The following IL23R variants were observed in gnomAD, a reference collection of about 807,000 sequenced individuals.
The protein encoded by IL23R is interleukin-23 receptor.
Under a neutral mutation model 56.9 loss-of-function variants are expected in IL23R, and 34 were observed. That is an observed-to-expected ratio of 0.60 (90% CI 0.45 to 0.80). The LOEUF is 0.80. Among genes scored for constraint, IL23R ranks in the 30% least tolerant of loss-of-function variants. The pLI is 0.00. For synonymous variants in IL23R, 230 were observed against 249.2 expected (o/e 0.92, Z 0.73); for missense variants, 635 against 730.0 (o/e 0.87, Z 1.50).
chr1:67,228,307 T>C (rs1448847396), intron 7 of IL23R, among the ~76,000 whole-genome samples: 1 of 149,772 alleles, frequency 6.7e-6, no homozygotes, highest in Non-Finnish European at 1.5e-5. Flanking sequence ...CCTTGGCCTT[T>C]CAAGTACCTG....
At chr1:67,203,935 G>A (rs772928152) in intron 5 of IL23R, among the ~76,000 whole-genome samples, 1 of 152,182 alleles carries the variant, frequency 6.6e-6, no homozygotes. Flanking sequence ...CTGCCATTTT[G>A]AATATTACTT....
intron 3 of IL23R, among the ~76,000 whole-genome samples, chr1:67,180,337 C>G (rs879189558): frequency 6.6e-6 from 1 of 151,632 alleles, no homozygotes; most frequent in Non-Finnish European, 1.5e-5. Flanking sequence ...GGATAGTTAG[C>G]TCTTCTTGTT....
chr1:67,195,733 C>A (rs1012820968), intron 4 of IL23R, among the ~76,000 whole-genome samples: 1 of 152,112 alleles, frequency 6.6e-6, no homozygotes, highest in Non-Finnish European at 1.5e-5. Context: ...GACTATCAGC[C>A]TTAGAGAGAT....
intron 1 of IL23R, among the ~76,000 whole-genome samples, chr1:67,148,176 G>A (rs562222254): frequency 1.3e-5 from 2 of 152,402 alleles, no homozygotes; most frequent in African/African-American, 4.8e-5. Flanking sequence ...GAAACGCAGT[G>A]TACACCCTGC....
At position 67,219,640 on chromosome 1, in the gene IL23R, A is replaced by G; in HGVS notation, c.865A>G (p.Lys289Glu). The G allele has an allele frequency of 6.2e-7, 1 of 1,614,072 alleles. No individual in the cohort carries two copies. The highest frequency in any genetic ancestry group is 8.5e-7 in the Non-Finnish European group (1 of 1,179,908). ...AGAATTCTACTTGGAGCCAAACATTAAGTACGTATTTCAAGTGAGATGTCA... is the reference window on the plus strand; with the variant it reads ...AGAATTCTACTTGGAGCCAAACATTGAGTACGTATTTCAAGTGAGATGTCA... Reference protein sequence around the residue: ...QSEFYLEPNIKYVFQVRCQET... With the variant: ...QSEFYLEPNIEYVFQVRCQET... Residue 289 changes from lysine to glutamate, a missense_variant, in exon 7 of 11, where the codon AAG (lysine) becomes GAG (glutamate). Transcript: ENST00000347310.
rs540437823 is a variant in IL23R, at chr1:67,182,728, C to A, written c.368-108C>A. 5.9e-5 allele frequency: 68 copies of A among 1,153,992 alleles called. 1 individual carries two copies. In the East Asian group the frequency reaches 1.6e-3, roughly 27 times the overall value. 71.5% of individuals were successfully genotyped at this position (1,153,992 alleles called of 1,614,324 possible). ...GAAATCGTTCGTCTTCTGCATCATTCACGCTGGGAGCTGTAGACTGGAGCT... is the reference window on the plus strand; with the variant it reads ...GAAATCGTTCGTCTTCTGCATCATTAACGCTGGGAGCTGTAGACTGGAGCT... On this transcript the variant is annotated intron_variant, in intron 3 of 10. Transcript: ENST00000347310.
At chr1:67,173,213 T>C (rs533728952) in intron 3 of IL23R, among the ~76,000 whole-genome samples, 27 of 152,352 alleles carry the variant, frequency 1.8e-4, no homozygotes, top group African/African-American at 6.5e-4. Context: ...AACAACTTGA[T>C]GTTATTATCA....
At chr1:67,214,901 A>C (rs1376482113) in intron 6 of IL23R, among the ~76,000 whole-genome samples, 1 of 152,236 alleles carries the variant, frequency 6.6e-6, no homozygotes, top group African/African-American at 2.4e-5. Flanking sequence ...AGTAGTTAAA[A>C]ATCAACTCAT....
intron 10 of IL23R, 49 bp downstream of exon 10, chr1:67,255,976 G>T (rs1652925382): frequency 1.0e-6 from 1 of 982,876 alleles, no homozygotes; most frequent in Non-Finnish European, 1.6e-6. Context: ...GAGACCAAGA[G>T]TGCAGTCTAA....
intron 6 of IL23R, among the ~76,000 whole-genome samples, chr1:67,218,629 A>T (rs1288293263): frequency 6.6e-6 from 1 of 151,028 alleles, no homozygotes; most frequent in African/African-American, 2.4e-5. Context: ...TTAAGAATAT[A>T]TTCCAAAATT....
At chr1:67,250,155 C>T (rs138542069) in intron 9 of IL23R, among the ~76,000 whole-genome samples, 71 of 152,286 alleles carry the variant, frequency 4.7e-4, no homozygotes, top group Middle Eastern at 3.4e-3. Context: ...AGTTTCCTGA[C>T]ACACCTTGCA....
intron 6 of IL23R, 55 bp from the exon 7 acceptor site, chr1:67,219,519 A>C: frequency 1.3e-6 from 2 of 1,544,340 alleles, no homozygotes; most frequent in Non-Finnish European, 1.8e-6. Context: ...CTGCTAAATA[A>C]AATAGTTGTT....
At chr1:67,219,790 G>A in intron 7 of IL23R, 60 bp downstream of exon 7, 1 of 1,495,174 alleles carries the variant, frequency 6.7e-7, no homozygotes, top group Non-Finnish European at 9.3e-7. Flanking sequence ...TTTCTGCTGA[G>A]CACAGTGGCT....
rs55771783 is a variant in IL23R at position 67,184,211 on chromosome 1, G to A, written c.491+1252G>A. ...GATCACGCCACTGCACTCCAGCCTG[G>A]GCGAAAGAGCGAGACTCCATCTCAA... On this transcript the variant is annotated intron_variant, in intron 4 of 10. Coordinates refer to ENST00000347310, the MANE Select transcript of IL23R (RefSeq NM_144701.3). Among the ~76,000 whole-genome samples, 1,078 of 151,876 alleles carry A rather than the reference G, an allele frequency of 7.1e-3. 4 individuals carry two copies. Among genetic ancestry groups the A allele is most frequent in the Admixed American group, 0.013 (195 of 15,206 alleles).
rs76575803 is a variant in IL23R, at chr1:67,169,528, G to C, written c.257G>C (p.Arg86Pro). 6.2e-7 allele frequency: 1 copy of C among 1,613,812 alleles called. No individual in the cohort carries two copies. The highest frequency in any genetic ancestry group is 8.5e-7 in the Non-Finnish European group (1 of 1,179,766). ...ACAAGGATTAATAAAACAACAGCTC[G>C]GCTTTGGTATAAAAACTTTCTGGAA... ...QITRINKTTARLWYKNFLEPH... is the reference protein window; with the variant it reads ...QITRINKTTAPLWYKNFLEPH... Residue 86 changes from arginine (R) to proline (P), a missense_variant, in exon 3 of 11, where the codon CGG (arginine) becomes CCG (proline). By Grantham distance (103) the Arg-to-Pro change is moderately radical. Transcript: ENST00000347310.
rs574294037 is a variant in IL23R, at chr1:67,143,501, C to T, written c.-634+4340C>T. On this transcript the variant is annotated intron_variant, in intron 1 of 10. Coordinates refer to the IL23R transcript ENST00000637002. ...TGTGGGAAACTGGGGCTCAATTTCT[C>T]AGAGTAGCATCTAAGAGTTGATGGA... Among the ~76,000 whole-genome samples, 3 of 152,268 alleles carry T rather than the reference C, an allele frequency of 2.0e-5. No individual in the cohort carries two copies. The East Asian group carries it at 5.8e-4, about 29-fold the overall frequency.
intron 1 of IL23R, among the ~76,000 whole-genome samples, chr1:67,156,435 GTCC>G (rs1646770567): frequency 6.6e-6 from 1 of 152,194 alleles, no homozygotes; most frequent in Non-Finnish European, 1.5e-5. Flanking sequence ...CAGGTGTTCT[GTCC>G]CAGGGAGAAG....
chr1:67,241,291 G>T (rs565097357), intron 9 of IL23R, among the ~76,000 whole-genome samples: 23 of 152,294 alleles, frequency 1.5e-4, no homozygotes, highest in South Asian at 6.2e-4. Context: ...TGAGTAGAAG[G>T]TACCTCCTTA....
chr1:67,228,317 G>A (rs995196407), intron 7 of IL23R, among the ~76,000 whole-genome samples: 1 of 148,830 alleles, frequency 6.7e-6, no homozygotes, highest in Non-Finnish European at 1.5e-5. Context: ...TCAAGTACCT[G>A]GAACTACAGG....
Sources: allele counts gnomAD v4.1 joint callset (sites outside exome capture counted in the v4.1 genomes callset), GRCh38; gene constraint gnomAD v4.1.1; transcripts MANE v1.5; gene names NCBI Gene and HGNC (gene_info 2026-07-23, HGNC 2026-07-21).